The following TTC28 variants were observed in gnomAD, a reference collection of about 807,000 sequenced individuals.
TTC28 encodes the protein tetratricopeptide repeat domain 28.
TTC28 carries 61 observed loss-of-function variants against 198.0 expected under a neutral mutation model. The ratio of observed to expected loss-of-function variants is 0.31; its 90% CI spans 0.25 to 0.38. The LOEUF is 0.38. TTC28 is among the 10% of genes least tolerant of loss of function. TTC28 has a pLI of 1.00. For missense variants in TTC28, 2,678 were observed against 3,164.0 expected (o/e 0.85, Z 3.69); for synonymous variants, 1,171 against 1,297.8 (o/e 0.90, Z 2.10).
intron 5 of TTC28, among the ~76,000 whole-genome samples, chr22:28,243,855 C>G (rs1253534062): frequency 6.6e-6 from 1 of 152,120 alleles, no homozygotes; most frequent in Non-Finnish European, 1.5e-5. Context: ...ACAGACAGTT[C>G]ATTTGATTCA....
chr22:28,601,362 C>T (rs983838339), intron 2 of TTC28, among the ~76,000 whole-genome samples: 3 of 152,062 alleles, frequency 2.0e-5, no homozygotes, highest in Admixed American at 2.0e-4. Context: ...CCTCCATATC[C>T]ATGGGTTCTG....
At chr22:28,345,003 C>T (rs1040773848) in intron 2 of TTC28, among the ~76,000 whole-genome samples, 8 of 152,172 alleles carry the variant, frequency 5.3e-5, no homozygotes, top group African/African-American at 1.7e-4. Flanking sequence ...CCTCACGTCA[C>T]ATCACACACA....
intron 5 of TTC28, among the ~76,000 whole-genome samples, chr22:28,174,794 A>G (rs1873181167): frequency 6.6e-6 from 1 of 152,216 alleles, no homozygotes; most frequent in African/African-American, 2.4e-5. Context: ...ATATAATTCA[A>G]CACAGGTACA....
intron 2 of TTC28, among the ~76,000 whole-genome samples, chr22:28,362,481 T>C (rs186490747): frequency 5.9e-5 from 9 of 152,238 alleles, no homozygotes; most frequent in East Asian, 1.9e-4. Context: ...CTGCAGTAAA[T>C]TGGTACCAGT....
At chr22:28,060,584 T>C (rs950964541) in intron 12 of TTC28, among the ~76,000 whole-genome samples, 1 of 152,258 alleles carries the variant, frequency 6.6e-6, no homozygotes, top group African/African-American at 2.4e-5. Flanking sequence ...TATAGCAGCA[T>C]GATTTATAAT....
At chr22:28,594,492 T>G (rs2050501439) in intron 2 of TTC28, among the ~76,000 whole-genome samples, 1 of 148,704 alleles carries the variant, frequency 6.7e-6, no homozygotes, top group South Asian at 2.1e-4. Context: ...TTAAGTTTAC[T>G]TTATCCTTTG....
chr22:28,109,032 A>G (rs1942407663), intron 6 of TTC28, among the ~76,000 whole-genome samples: 1 of 152,226 alleles, frequency 6.6e-6, no homozygotes, highest in South Asian at 2.1e-4. Flanking sequence ...TTTTTGCATA[A>G]GCAGCCTGGC....
At chr22:28,066,505 C>G (rs928762997) in intron 12 of TTC28, among the ~76,000 whole-genome samples, 11 of 152,168 alleles carry the variant, frequency 7.2e-5, no homozygotes, top group African/African-American at 2.4e-4. Context: ...CCCCAAACCT[C>G]TGGTCACCAC....
chr22:28,021,123 T>C (rs1242913107), intron 13 of TTC28, among the ~76,000 whole-genome samples: 1 of 152,106 alleles, frequency 6.6e-6, no homozygotes, highest in Non-Finnish European at 1.5e-5. Context: ...AAACAGGGGC[T>C]TGACTCTCCC....
chr22:28,364,349 CACGTGGA>C (rs2046209748), intron 2 of TTC28, among the ~76,000 whole-genome samples: 1 of 152,334 alleles, frequency 6.6e-6, no homozygotes, highest in Admixed American at 6.5e-5. Flanking sequence ...CCTCCCCAGC[CACGTGGA>C]ACTGCAAGTC....
intron 1 of TTC28, among the ~76,000 whole-genome samples, chr22:28,669,939 T>C (rs2051851885): frequency 6.6e-6 from 1 of 151,930 alleles, no homozygotes; most frequent in Non-Finnish European, 1.5e-5. Flanking sequence ...TTTTTCCATA[T>C]GCTTGAATTT....
chr22:28,445,518 C>G (rs1189753871), intron 2 of TTC28, among the ~76,000 whole-genome samples: 1 of 152,172 alleles, frequency 6.6e-6, no homozygotes, highest in Non-Finnish European at 1.5e-5. Context: ...AAGGTTCTTA[C>G]CATGGACTGT....
At chr22:28,414,521 C>A (rs1053134679) in intron 2 of TTC28, among the ~76,000 whole-genome samples, 3 of 135,586 alleles carry the variant, frequency 2.2e-5, no homozygotes, top group African/African-American at 5.2e-5. Context: ...AGCATTCTGA[C>A]TGGAGACAAG....
At position 27,998,905 on chromosome 22, in the gene TTC28, A is replaced by G; in HGVS notation, c.4754T>C (p.Val1585Ala). 1 of 1,550,606 alleles carries G rather than the reference A, an allele frequency of 6.4e-7. No individual in the cohort carries two copies. Among genetic ancestry groups the G allele is most frequent in the South Asian group, 1.2e-5 (1 of 84,056 alleles). Residue 1585 changes from valine to alanine, a missense_variant, in exon 16 of 23, where the codon GTG (valine) becomes GCG (alanine). Around this residue, in one of 8 missense-constraint regions of TTC28, gnomAD observed 727 missense variants for 861.9 expected, o/e 0.84. Coordinates refer to ENST00000397906, the MANE Select transcript of TTC28 (RefSeq NM_001145418.2). ...HPYTIPESLR[V>A]QDDASDGESI... is the part of the protein sequence containing the mutation. ...CTCCCCATCACTGGCATCGTCCTGC[A>G]CCCGCAAGGACTCAGGGATCGTGTA... is the stretch of plus-strand genomic sequence containing the variant.
intron 2 of TTC28, among the ~76,000 whole-genome samples, chr22:28,610,397 G>A (rs58579082): frequency 0.03 from 4,591 of 152,258 alleles, 238 homozygotes; most frequent in African/African-American, 0.11. Flanking sequence ...GAAGGAACAG[G>A]CAGCAATCTT....
intron 2 of TTC28, among the ~76,000 whole-genome samples, chr22:28,529,909 C>T (rs2049094528): frequency 6.6e-6 from 1 of 152,112 alleles, no homozygotes; most frequent in African/African-American, 2.4e-5. Flanking sequence ...TGCACATCAC[C>T]ATCATCAAAG....
intron 2 of TTC28, among the ~76,000 whole-genome samples, chr22:28,407,173 T>G (rs2146120842): frequency 6.6e-6 from 1 of 152,318 alleles, no homozygotes; most frequent in Non-Finnish European, 1.5e-5. Context: ...TGGACATTTA[T>G]TTATTCTGAC....
intron 12 of TTC28, among the ~76,000 whole-genome samples, chr22:28,043,879 T>G (rs1372867530): frequency 1.3e-5 from 2 of 152,128 alleles, no homozygotes; most frequent in Non-Finnish European, 2.9e-5. Context: ...GAGTATGAGC[T>G]GCACACCAGA....
At chr22:28,281,474 A>C (rs1002532089) in intron 5 of TTC28, among the ~76,000 whole-genome samples, 2 of 151,738 alleles carry the variant, frequency 1.3e-5, no homozygotes, top group African/African-American at 4.8e-5. Context: ...TTTCCTATCC[A>C]CTCTTTATAA....
Sources: allele counts gnomAD v4.1 joint callset (sites outside exome capture counted in the v4.1 genomes callset), GRCh38; gene constraint gnomAD v4.1.1; regional missense constraint gnomAD v4.1.1; transcripts MANE v1.5; gene names NCBI Gene and HGNC (gene_info 2026-07-23, HGNC 2026-07-21).